DYRK3: variants seen among roughly 807,000 people sequenced by gnomAD.
The protein encoded by DYRK3 is dual specificity tyrosine-phosphorylation-regulated kinase 3.
In DYRK3, 30 loss-of-function variants were observed where a neutral mutation model predicts 40.8. The observed-to-expected ratio is 0.74, with a 90% CI of 0.55 to 1.00. The LOEUF is 1.00. Among genes scored for constraint, DYRK3 ranks in the 50% least tolerant of loss-of-function variants. The probability of loss-of-function intolerance (pLI) is 0.00; values close to 1 mark genes in which losing one functional copy is unlikely to be tolerated. For synonymous variants in DYRK3, 272 were observed against 260.7 expected, an observed-to-expected ratio of 1.04 and a Z score of -0.42; for missense variants, 699 against 731.5, an observed-to-expected ratio of 0.96 and a Z score of 0.51.
intron 2 of DYRK3, among the ~76,000 whole-genome samples, chr1:206,638,486 G>A (rs1485428783): frequency 5.3e-5 from 8 of 151,634 alleles, no homozygotes; most frequent in Non-Finnish European, 1.2e-4. Context: ...ATGTTGGTCA[G>A]GCTGGTCTTG....
At chr1:206,642,078 A>G (rs1671306190) in intron 2 of DYRK3, among the ~76,000 whole-genome samples, 1 of 150,734 alleles carries the variant, frequency 6.6e-6, no homozygotes, top group Non-Finnish European at 1.5e-5. Context: ...AAACAAATTT[A>G]CAAGAAAAAA....
At position 206,650,143 on chromosome 1, in the gene DYRK3, G is replaced by A. The variant is rs1350604266; in HGVS notation, c.*1178G>A. Among the ~76,000 whole-genome samples, 1 of 152,228 alleles carries A rather than the reference G, an allele frequency of 6.6e-6. No individual in the cohort carries two copies. Among genetic ancestry groups the A allele is most frequent in the African/African-American group, 2.4e-5 (1 of 41,456 alleles). On this transcript the variant is annotated 3_prime_UTR_variant, in exon 3 of 3. Coordinates refer to ENST00000367109, the MANE Select transcript of DYRK3 (RefSeq NM_003582.4). ...TAATAAAACTAATTGTTAAGCCAGT[G>A]TCCTACTTACAAGGGTGGAGACGGG...
intron 2 of DYRK3, among the ~76,000 whole-genome samples, chr1:206,640,944 T>C (rs1553419261): frequency 6.6e-6 from 1 of 152,218 alleles, no homozygotes; most frequent in African/African-American, 2.4e-5. Context: ...TGAAGCATTC[T>C]TATGAAATAA....
At chr1:206,638,107 A>G (rs1450290272) in intron 2 of DYRK3, among the ~76,000 whole-genome samples, 12 of 152,158 alleles carry the variant, frequency 7.9e-5, no homozygotes, top group Non-Finnish European at 1.3e-4. Context: ...AACAGAAAAC[A>G]TGTCAGAATT....
intron 2 of DYRK3, among the ~76,000 whole-genome samples, chr1:206,643,950 C>T (rs1164373240): frequency 6.7e-6 from 1 of 148,388 alleles, no homozygotes; most frequent in Non-Finnish European, 1.5e-5. Flanking sequence ...TTGATTCACA[C>T]AACATCCTGC....
In DYRK3 at chr1:206,651,007, T is replaced by C. The variant is rs1234756800; in HGVS notation, c.*2042T>C. ...GAAGGCAATAAATATACAACTCCTT[T>C]AGATCCCTCTAACTCCTGCTGAATT... On this transcript the variant is annotated 3_prime_UTR_variant, in exon 3 of 3. Coordinates refer to ENST00000367109, the MANE Select transcript of DYRK3 (RefSeq NM_003582.4). Among the ~76,000 whole-genome samples the C allele has an allele frequency of 3.3e-5, 5 of 152,224 alleles. No individual in the cohort carries two copies. The highest frequency in any genetic ancestry group is 1.2e-4 in the African/African-American group (5 of 41,460).
chr1:206,639,666 TG>T (rs1193665661), intron 2 of DYRK3, among the ~76,000 whole-genome samples: 1 of 151,756 alleles, frequency 6.6e-6, no homozygotes, highest in Non-Finnish European at 1.5e-5. Context: ...TTCACTGTAT[TG>T]GTCAGGCTGG....
In DYRK3 at chr1:206,645,212, T is replaced by C. The variant is rs906576144; in HGVS notation, c.190-2176T>C. Among the ~76,000 whole-genome samples the C allele has an allele frequency of 9.8e-5, 15 of 152,292 alleles. No individual in the cohort carries two copies. In the East Asian group the frequency reaches 2.7e-3, roughly 27 times the overall value. On this transcript the variant is annotated intron_variant, in intron 2 of 2. Transcript: ENST00000367109. The stretch of plus-strand genomic sequence containing the variant: ...TAATTTATAAATACAATTTTTGTTT[T>C]GCTTAGGTTATATTAAAATTTCTAG...
Position 206,635,578 on chromosome 1 carries a change from T to G in DYRK3, c.-126T>G, listed in dbSNP as rs1671072991. On this transcript the variant is annotated 5_prime_UTR_variant, in exon 1 of 3. Transcript: ENST00000367109. Reference sequence around the variant, plus strand: ...AGTCGGGAGCGAAAGTGCGCTGAGCTGCAGTGTCTGGTCGAGAGTACCCGT... The same window carrying G: ...AGTCGGGAGCGAAAGTGCGCTGAGCGGCAGTGTCTGGTCGAGAGTACCCGT... 5 of 1,156,938 alleles carry G rather than the reference T, an allele frequency of 4.3e-6. No individual in the cohort carries two copies. Among genetic ancestry groups the G allele is most frequent in the Non-Finnish European group, 4.3e-6 (4 of 919,582 alleles). The allele number at this position is 1,156,938 out of a possible 1,614,324, so 71.7% of individuals were successfully genotyped here. A position where few individuals can be genotyped will look rare whatever the true frequency, so the allele number is the denominator to read the frequency against.
Position 206,647,868 on chromosome 1 carries a change from G to A in DYRK3, c.670G>A (p.Ala224Thr). ...IIGKGSFGQV[A>T]RVYDHKLRQY... ...TGGCAAGGGGAGTTTTGGGCAGGTG[G>A]CCAGGGTCTATGATCACAAACTTCG... Residue 224 changes from alanine (A) to threonine (T), a missense_variant, in exon 3 of 3, where the codon GCC (alanine) becomes ACC (threonine). Coordinates refer to ENST00000367109, the MANE Select transcript of DYRK3 (RefSeq NM_003582.4). 3 of 1,614,024 alleles carry A rather than the reference G, an allele frequency of 1.9e-6. No homozygotes were observed. Among genetic ancestry groups the A allele is most frequent in the Non-Finnish European group, 2.5e-6 (3 of 1,180,014 alleles).
chr1:206,635,936 C>G (rs1257363005), intron 1 of DYRK3, 156 bp downstream of exon 1: 20 of 1,315,926 alleles, frequency 1.5e-5, no homozygotes, highest in Non-Finnish European at 1.9e-5. Flanking sequence ...CCCACCTCCT[C>G]TCTATCAGGG....
At chr1:206,637,141 G>A (rs1216293508) in intron 1 of DYRK3, among the ~76,000 whole-genome samples, 1 of 152,238 alleles carries the variant, frequency 6.6e-6, no homozygotes, top group South Asian at 2.1e-4. Context: ...GAAGTGTGAA[G>A]ACTGGAGCTA....
intron 2 of DYRK3, among the ~76,000 whole-genome samples, chr1:206,639,539 C>T (rs1427177546): frequency 7.0e-6 from 1 of 142,948 alleles, no homozygotes; most frequent in Non-Finnish European, 1.5e-5. Flanking sequence ...GCAATCTTGG[C>T]TTACTGCAAC....
Position 206,649,310 on chromosome 1 carries a change from T to C in DYRK3, c.*345T>C, listed in dbSNP as rs1671568383. The C allele has an allele frequency of 9.1e-6, 2 of 219,954 alleles. No homozygotes were observed. Among genetic ancestry groups the C allele is most frequent in the South Asian group, 6.2e-5 (1 of 16,116 alleles). The allele number at this position is 219,954 out of a possible 1,614,324, so 13.6% of individuals were successfully genotyped here. ...AAGTATCCCAACTACTCCTCGCTTCTAGTGTCCCTCGGCATCTGTTCTGGA... is the reference window on the plus strand; with the variant it reads ...AAGTATCCCAACTACTCCTCGCTTCCAGTGTCCCTCGGCATCTGTTCTGGA... On this transcript the variant is annotated 3_prime_UTR_variant, in exon 3 of 3. Coordinates refer to ENST00000367109, the MANE Select transcript of DYRK3 (RefSeq NM_003582.4).
rs1572453085 is a variant in DYRK3 at position 206,649,142 on chromosome 1, C to T, written c.*177C>T. ...ATTCTTCAAGGGCTAATTACCTAAC[C>T]AGCTTGTATTGGCCATCTGGAATAT... On this transcript the variant is annotated 3_prime_UTR_variant, in exon 3 of 3. Transcript: ENST00000367109. The T allele has an allele frequency of 1.6e-6, 1 of 640,298 alleles. No homozygotes were observed. Among genetic ancestry groups the T allele is most frequent in the East Asian group, 2.9e-5 (1 of 34,732 alleles). The allele number at this position is 640,298 out of a possible 1,614,324, so 39.7% of individuals were successfully genotyped here.
At chr1:206,643,805 C>A (rs1175524066) in intron 2 of DYRK3, among the ~76,000 whole-genome samples, 1 of 151,862 alleles carries the variant, frequency 6.6e-6, no homozygotes. Context: ...AAGCCGCCAG[C>A]AAGAGAAGAG....
At position 206,636,981 on chromosome 1, in the gene DYRK3, C is replaced by T. The variant is rs782686114; in HGVS notation, c.78-669C>T. On this transcript the variant is annotated intron_variant, in intron 1 of 2. Transcript: ENST00000367109. ...AGTGGAAAGAGAAGTAAATTCAATA[C>T]ATTTTATAATTTAGAGCATCCTTTT... 7.0e-6 allele frequency: 11 copies of T among 1,581,336 alleles called. No individual in the cohort carries two copies. The South Asian group carries it at 1.2e-4, about 17-fold the overall frequency.
At chr1:206,641,292 T>A (rs1572443775) in intron 2 of DYRK3, among the ~76,000 whole-genome samples, 1 of 152,168 alleles carries the variant, frequency 6.6e-6, no homozygotes, top group Admixed American at 6.5e-5. Flanking sequence ...TTTCATCGTC[T>A]TCATAGCTTT....
In DYRK3 at chr1:206,651,476, G is replaced by C. The variant is rs1345124444; in HGVS notation, c.*2511G>C. 6.6e-6 allele frequency among the ~76,000 whole-genome samples: 1 copy of C among 152,204 alleles called. No homozygotes were observed. The highest frequency in any genetic ancestry group is 2.4e-5 in the African/African-American group (1 of 41,450). On this transcript the variant is annotated 3_prime_UTR_variant, in exon 3 of 3. Coordinates refer to ENST00000367109, the MANE Select transcript of DYRK3 (RefSeq NM_003582.4). ...TCTGCCAACTCCAGGAAGTAGTACA[G>C]CATGATTGAATCCTTCTTCAGTGAA...
Sources: allele counts gnomAD v4.1 joint callset (sites outside exome capture counted in the v4.1 genomes callset), GRCh38; gene constraint gnomAD v4.1.1; transcripts MANE v1.5; gene names NCBI Gene and HGNC (gene_info 2026-07-23, HGNC 2026-07-21).